MAGI2: variants seen among roughly 807,000 people sequenced by gnomAD.
MAGI2 encodes the protein membrane associated guanylate kinase, WW and PDZ domain containing 2, also known as membrane-associated guanylate kinase, WW and PDZ domain-containing protein 2.
MAGI2 carries 35 observed loss-of-function variants against 133.3 expected under a neutral mutation model. That is an observed-to-expected ratio of 0.26 (90% CI 0.20 to 0.35). The LOEUF (loss-of-function observed/expected upper bound fraction) is 0.35, where lower values mean the gene tolerates loss of function less well. Ranked by LOEUF, MAGI2 falls within the 10% of genes least tolerant of loss-of-function variation. The pLI is 1.00. For missense variants in MAGI2, 1,636 were observed against 1,863.4 expected (o/e 0.88, Z 2.25); for synonymous variants, 729 against 710.6 (o/e 1.03, Z -0.41).
At chr7:78,285,642 T>C (rs1796069479) in intron 9 of MAGI2, 1 of 152,168 alleles carries the variant, frequency 6.6e-6, no homozygotes, top group Non-Finnish European at 1.5e-5. Context: ...AACCATTACC[T>C]TTAACTGCCT....
At chr7:78,084,264 A>C (rs1423015812) in intron 20 of MAGI2, among the ~76,000 whole-genome samples, 2 of 152,182 alleles carry the variant, frequency 1.3e-5, no homozygotes, top group Non-Finnish European at 2.9e-5. Context: ...GTGGCTAATG[A>C]TCTGAGGTCA....
chr7:79,150,043 G>A (rs879517692), intron 1 of MAGI2, among the ~76,000 whole-genome samples: 2 of 152,086 alleles, frequency 1.3e-5, no homozygotes, highest in African/African-American at 2.4e-5. Context: ...AAGATGAGCT[G>A]AAGTTAACTA....
chr7:79,231,800 A>G (rs370356465), intron 1 of MAGI2, among the ~76,000 whole-genome samples: 2 of 149,646 alleles, frequency 1.3e-5, no homozygotes, highest in African/African-American at 4.9e-5. Flanking sequence ...TCTCCTGCCT[A>G]ATTGCCCTGG....
At chr7:79,231,089 G>T (rs1271441425) in intron 1 of MAGI2, among the ~76,000 whole-genome samples, 1 of 133,652 alleles carries the variant, frequency 7.5e-6, no homozygotes. Flanking sequence ...GTTTGTCAAA[G>T]ATCAGATAGT....
intron 20 of MAGI2, among the ~76,000 whole-genome samples, chr7:78,079,866 T>A (rs75174008): frequency 0.041 from 6,190 of 152,262 alleles, 197 homozygotes; most frequent in African/African-American, 0.087. Context: ...GGTTCAACCA[T>A]GAGCACATCA....
At chr7:78,633,661 G>C (rs11768493) in intron 2 of MAGI2, among the ~76,000 whole-genome samples, 2 of 145,404 alleles carry the variant, frequency 1.4e-5, no homozygotes, top group African/African-American at 5.2e-5. Flanking sequence ...AGCAGAGATC[G>C]CGCCACTGCA....
At chr7:78,200,138 T>G (rs1027413085) in intron 11 of MAGI2, among the ~76,000 whole-genome samples, 1 of 152,238 alleles carries the variant, frequency 6.6e-6, no homozygotes, top group African/African-American at 2.4e-5. Flanking sequence ...ATGTTCTTTG[T>G]GGACCAGATG....
chr7:78,233,712 A>G (rs947622071), intron 10 of MAGI2, among the ~76,000 whole-genome samples: 2 of 152,134 alleles, frequency 1.3e-5, no homozygotes, highest in Non-Finnish European at 2.9e-5. Flanking sequence ...TGCCTGAAGA[A>G]AAAGGAAGTT....
Position 79,435,925 on chromosome 7 carries a change from T to C in MAGI2, c.301+17095A>G, listed in dbSNP as rs375657898. ...TGCTATGTGTCTAAAGACAGACACA[T>C]AGACCAATGGAAAATAGTAAAGAGT... On this transcript the variant is annotated intron_variant, in intron 1 of 21. Transcript: ENST00000354212. Among the ~76,000 whole-genome samples, 140 of 152,188 alleles carry C rather than the reference T, an allele frequency of 9.2e-4. 2 individuals carry two copies. Among genetic ancestry groups the C allele is most frequent in the South Asian group, 7.9e-3 (38 of 4,816 alleles).
At chr7:79,339,464 GTT>G (rs71095397) in intron 1 of MAGI2, among the ~76,000 whole-genome samples, 15 of 134,536 alleles carry the variant, frequency 1.1e-4, no homozygotes, top group Admixed American at 2.2e-4. Flanking sequence ...TTTTGTTTTT[GTT>G]TTTTTTTTTT....
chr7:78,563,979 A>T (rs912401630), intron 3 of MAGI2, among the ~76,000 whole-genome samples: 1 of 152,194 alleles, frequency 6.6e-6, no homozygotes, highest in Non-Finnish European at 1.5e-5. Context: ...GTCATATTTG[A>T]ATAGGTATTT....
intron 1 of MAGI2, among the ~76,000 whole-genome samples, chr7:79,145,288 T>C (rs2129546518): frequency 6.6e-6 from 1 of 152,320 alleles, no homozygotes; most frequent in African/African-American, 2.4e-5. Flanking sequence ...GACTTTATTT[T>C]ATAAAAATCT....
chr7:79,130,807 G>C (rs1269776786), intron 1 of MAGI2, among the ~76,000 whole-genome samples: 1 of 152,164 alleles, frequency 6.6e-6, no homozygotes, highest in African/African-American at 2.4e-5. Context: ...AAAAGGTAAA[G>C]GAAACAGAAG....
At chr7:79,305,152 G>C (rs1425917172) in intron 1 of MAGI2, among the ~76,000 whole-genome samples, 1 of 152,188 alleles carries the variant, frequency 6.6e-6, no homozygotes, top group East Asian at 1.9e-4. Flanking sequence ...CTTTGGTTAA[G>C]AGCTGTCAGT....
chr7:79,192,570 T>A (rs765093395), intron 1 of MAGI2, among the ~76,000 whole-genome samples: 14 of 151,816 alleles, frequency 9.2e-5, no homozygotes, highest in Admixed American at 2.0e-4. Flanking sequence ...TCTGAAATGA[T>A]CATCTAATCA....
chr7:78,730,955 C>T (rs1360532688), intron 2 of MAGI2, among the ~76,000 whole-genome samples: 1 of 152,034 alleles, frequency 6.6e-6, no homozygotes, highest in Non-Finnish European at 1.5e-5. Context: ...TACACTACAG[C>T]TCCCTCAGAA....
Position 78,898,373 on chromosome 7 carries a change from A to G in MAGI2, c.418+108717T>C, listed in dbSNP as rs1797366367. Among the ~76,000 whole-genome samples, 2 of 152,210 alleles carry G rather than the reference A, an allele frequency of 1.3e-5. 1 individual carries two copies. Among genetic ancestry groups the G allele is most frequent in the African/African-American group, 4.8e-5 (2 of 41,452 alleles). ...GCATGCATATGTTCACTGCATCACC[A>G]CTCACATTAGTAAAGACATGGAATC... is the stretch of plus-strand genomic sequence containing the variant. On this transcript the variant is annotated intron_variant, in intron 2 of 21. Transcript: ENST00000354212.
intron 2 of MAGI2, among the ~76,000 whole-genome samples, chr7:78,957,240 G>C (rs1405770284): frequency 6.9e-6 from 1 of 145,636 alleles, no homozygotes; most frequent in African/African-American, 2.6e-5. Flanking sequence ...ACTCCAGCCT[G>C]GGTGACAGAG....
chr7:79,171,669 A>G (rs1164877175), intron 1 of MAGI2, among the ~76,000 whole-genome samples: 1 of 147,116 alleles, frequency 6.8e-6, no homozygotes, highest in African/African-American at 2.5e-5. Flanking sequence ...CTTTCATTCA[A>G]TAAAAATAGA....
Sources: gnomAD v4.1 joint callset for allele counts (sites outside exome capture counted in the v4.1 genomes callset) on GRCh38, gnomAD v4.1.1 for gene constraint, MANE v1.5 for transcripts, NCBI Gene and HGNC (gene_info 2026-07-23, HGNC 2026-07-21) for gene names.